COL4A6: variants seen among roughly 807,000 people sequenced by gnomAD.
COL4A6 encodes collagen alpha-6(IV) chain.
Under a neutral mutation model 126.7 loss-of-function variants are expected in COL4A6, and 59 were observed. The ratio of observed to expected loss-of-function variants is 0.47; its 90% confidence interval spans 0.38 to 0.58. COL4A6 has a LOEUF of 0.58. COL4A6 is among the 20% of genes least tolerant of loss of function. The probability of loss-of-function intolerance (pLI) is 0.00; values close to 1 mark genes in which losing one functional copy is unlikely to be tolerated. For synonymous variants in COL4A6, 547 were observed against 496.6 expected (o/e 1.10, Z -1.35); for missense variants, 1,285 against 1,337.3 (o/e 0.96, Z 0.61).
intron 3 of COL4A6, among the ~76,000 whole-genome samples, chrX:108,269,457 T>C (rs923928134): frequency 4.5e-5 from 5 of 111,601 alleles, no homozygotes; most frequent in Admixed American, 3.8e-4. Context: ...ATCTCAGAGA[T>C]ACTAGCTCAA....
chrX:108,435,347 CT>C (rs1380581733), intron 2 of COL4A6, among the ~76,000 whole-genome samples: 3 of 112,074 alleles, frequency 2.7e-5, no homozygotes, highest in Non-Finnish European at 5.6e-5. Context: ...AGATTTGTAT[CT>C]TTCTAGACAT....
chrX:108,194,971 G>T, intron 15 of COL4A6, 111 bp downstream of exon 15: 2 of 606,118 alleles, frequency 3.3e-6, no homozygotes, highest in Non-Finnish European at 2.6e-6. Context: ...AAAGGGAGAT[G>T]AACAATTTGC....
intron 2 of COL4A6, among the ~76,000 whole-genome samples, chrX:108,319,235 T>C (rs2038961425): frequency 8.9e-6 from 1 of 112,153 alleles, no homozygotes; most frequent in Non-Finnish European, 1.9e-5. Context: ...ACAGGTGTGA[T>C]GGCATGTGCC....
At chrX:108,433,916 T>C (rs957193963) in intron 2 of COL4A6, among the ~76,000 whole-genome samples, 3 of 111,978 alleles carry the variant, frequency 2.7e-5, no homozygotes, top group African/African-American at 9.7e-5. Flanking sequence ...CTTGAGGCTG[T>C]GGTGTACCAT....
chrX:108,237,665 T>C (rs750379008), intron 3 of COL4A6, among the ~76,000 whole-genome samples: 30 of 111,864 alleles, frequency 2.7e-4, no homozygotes, highest in Non-Finnish European at 4.5e-4. Flanking sequence ...GTTAATTACA[T>C]CTATTAGTTT....
chrX:108,247,928 T>A (rs2036755726), intron 3 of COL4A6, among the ~76,000 whole-genome samples: 1 of 111,616 alleles, frequency 9.0e-6, no homozygotes, highest in South Asian at 3.8e-4. Context: ...AGCCCACTCC[T>A]TTCCTTGAAA....
chrX:108,438,563 C>T (rs1046277798), upstream of COL4A6: 2 of 629,211 alleles, frequency 3.2e-6, no homozygotes, highest in African/African-American at 4.7e-5. Flanking sequence ...AGTATCTCCA[C>T]AGCTTCACAC....
At chrX:108,255,330 A>G (rs2036972417) in intron 3 of COL4A6, among the ~76,000 whole-genome samples, 1 of 109,912 alleles carries the variant, frequency 9.1e-6, no homozygotes, top group African/African-American at 3.3e-5. Flanking sequence ...CATTATCTAG[A>G]AGAGTCTGTG....
chrX:108,382,731 G>A (rs1195948612), intron 2 of COL4A6, among the ~76,000 whole-genome samples: 1 of 109,734 alleles, frequency 9.1e-6, no homozygotes, highest in Non-Finnish European at 1.9e-5. Flanking sequence ...TGGATCATTT[G>A]AGGTCAGGAA....
intron 3 of COL4A6, 77 bp downstream of exon 3, chrX:108,310,671 G>T: frequency 1.1e-6 from 1 of 903,856 alleles, no homozygotes; most frequent in Non-Finnish European, 1.6e-6. Flanking sequence ...TAAATTCTAA[G>T]CAGTTTATTT....
chrX:108,432,947 G>A (rs2064200333), intron 2 of COL4A6, among the ~76,000 whole-genome samples: 1 of 112,137 alleles, frequency 8.9e-6, no homozygotes, highest in African/African-American at 3.2e-5. Flanking sequence ...CAGATAGAAT[G>A]GGGACTGCAA....
At position 108,176,975 on chromosome X, in the gene COL4A6, C is replaced by T. The variant is rs747710567; in HGVS notation, c.2552G>A (p.Gly851Asp). ...PGKKGTRGKKGPPGSIVKKGL... is the reference protein window; with the variant it reads ...PGKKGTRGKKDPPGSIVKKGL... ...TTTCTTTACAATTGATCCAGGAGGACCTTTCTTGCCTCTTGTTCCTTTCTT... is the reference window on the plus strand; with the variant it reads ...TTTCTTTACAATTGATCCAGGAGGATCTTTCTTGCCTCTTGTTCCTTTCTT... The change falls in exon 28 of 45, where the codon GGT becomes GAT. Residue 851 changes from glycine to aspartate, a missense_variant. By Grantham distance (94) the Gly-to-Asp change is moderately conservative. Coordinates refer to ENST00000334504, the MANE Select transcript of COL4A6 (RefSeq NM_033641.4). 2.2e-5 allele frequency: 27 copies of T among 1,210,105 alleles called. No individual in the cohort carries two copies. In the South Asian group the frequency reaches 3.7e-4, roughly 17 times the overall value.
chrX:108,382,962 A>AATAATAAT (rs2040591687), intron 2 of COL4A6, among the ~76,000 whole-genome samples: 18 of 88,293 alleles, frequency 2.0e-4, no homozygotes, highest in African/African-American at 6.2e-4. Context: ...CCCCCGCCAA[A>AATAATAAT]AATAATAATA....
intron 3 of COL4A6, among the ~76,000 whole-genome samples, chrX:108,289,562 T>A (rs766846141): frequency 3.3e-3 from 368 of 109,955 alleles, no homozygotes; most frequent in African/African-American, 0.012. Flanking sequence ...GTTTTCGTTT[T>A]AAAAAAAAAC....
chrX:108,285,300 C>T (rs1188189963), intron 3 of COL4A6, among the ~76,000 whole-genome samples: 4 of 111,809 alleles, frequency 3.6e-5, no homozygotes, highest in Non-Finnish European at 7.5e-5. Flanking sequence ...TCTCTTCCAC[C>T]CAAGTATTTC....
intron 2 of COL4A6, among the ~76,000 whole-genome samples, chrX:108,398,864 A>C (rs1030131651): frequency 9.0e-6 from 1 of 111,579 alleles, no homozygotes; most frequent in African/African-American, 3.3e-5. Context: ...TGGAGAAACC[A>C]ATAAGTATAC....
chrX:108,280,241 C>T (rs768838684), intron 3 of COL4A6, among the ~76,000 whole-genome samples: 198 of 110,812 alleles, frequency 1.8e-3, no homozygotes, highest in African/African-American at 6.3e-3. Context: ...ATTGATAGAC[C>T]GCTAGCAAGA....
intron 2 of COL4A6, among the ~76,000 whole-genome samples, chrX:108,318,640 T>C (rs2038944350): frequency 9.0e-6 from 1 of 111,579 alleles, no homozygotes; most frequent in Admixed American, 9.5e-5. Flanking sequence ...TCAAAGAGAA[T>C]AAAATACCCA....
intron 2 of COL4A6, among the ~76,000 whole-genome samples, chrX:108,337,863 G>C (rs980441623): frequency 5.4e-5 from 6 of 111,817 alleles, no homozygotes; most frequent in Non-Finnish European, 7.5e-5. Context: ...ATTTAGCCTA[G>C]TTGTATATAG....
Sources: allele counts gnomAD v4.1 joint callset (sites outside exome capture counted in the v4.1 genomes callset), GRCh38; gene constraint gnomAD v4.1.1; transcripts MANE v1.5; gene names NCBI Gene and HGNC (gene_info 2026-07-23, HGNC 2026-07-21).